Variants in STAC observed in about 807,000 individuals in gnomAD.
STAC encodes the protein SH3 and cysteine-rich domain-containing protein.
A neutral mutation model predicts 48.8 loss-of-function variants in STAC; 43 were observed. The observed-to-expected ratio is 0.88, with a 90% CI of 0.69 to 1.14. STAC has a LOEUF of 1.14. Ranked by LOEUF, STAC falls within the 50% of genes most tolerant of loss-of-function variation. The pLI, the probability that STAC is intolerant of heterozygous loss-of-function variation, is 0.00. For synonymous variants in STAC, 193 were observed against 179.5 expected, an observed-to-expected ratio of 1.07 and a Z score of -0.60; for missense variants, 497 against 504.0, an observed-to-expected ratio of 0.99 and a Z score of 0.13.
intron 8 of STAC, among the ~76,000 whole-genome samples, chr3:36,508,757 T>A (rs187898871): frequency 1.5e-4 from 23 of 152,316 alleles, no homozygotes; most frequent in Admixed American, 1.4e-3. Context: ...TTTTTTTCTT[T>A]CCATTTGCTT....
chr3:36,544,852 A>G (rs1216584787), intron 10 of STAC, among the ~76,000 whole-genome samples: 3 of 152,144 alleles, frequency 2.0e-5, no homozygotes, highest in Non-Finnish European at 4.4e-5. Flanking sequence ...CTACTCTTAC[A>G]AATTATCTTC....
chr3:36,388,145 G>C (rs1699664493), intron 1 of STAC, among the ~76,000 whole-genome samples: 1 of 152,070 alleles, frequency 6.6e-6, no homozygotes, highest in African/African-American at 2.4e-5. Flanking sequence ...TTTAAAATTA[G>C]ATTGTTTGGT....
At chr3:36,516,965 A>C (rs1361322506) in intron 8 of STAC, among the ~76,000 whole-genome samples, 2 of 152,168 alleles carry the variant, frequency 1.3e-5, no homozygotes, top group Non-Finnish European at 2.9e-5. Flanking sequence ...AACACAGTTA[A>C]AGACTCTCCC....
intron 8 of STAC, among the ~76,000 whole-genome samples, chr3:36,508,249 C>T (rs1047221216): frequency 6.6e-6 from 1 of 152,158 alleles, no homozygotes; most frequent in African/African-American, 2.4e-5. Flanking sequence ...TTTCTTAATC[C>T]TGTGCTCTAA....
chr3:36,409,569 T>G (rs1055178894), intron 1 of STAC: 1 of 152,198 alleles, frequency 6.6e-6, no homozygotes, highest in Non-Finnish European at 1.5e-5. Flanking sequence ...AGGAATCATG[T>G]CCATCAAAAG....
intron 6 of STAC, among the ~76,000 whole-genome samples, chr3:36,498,747 C>T (rs1173538317): frequency 1.3e-5 from 2 of 151,618 alleles, no homozygotes; most frequent in Non-Finnish European, 2.9e-5. Flanking sequence ...AGCACCAGAC[C>T]CTGTCTCAAA....
intron 10 of STAC, among the ~76,000 whole-genome samples, chr3:36,541,976 C>T (rs181125804): frequency 6.6e-6 from 1 of 151,732 alleles, no homozygotes; most frequent in East Asian, 1.9e-4. Flanking sequence ...TTCAGGAAGT[C>T]TCTTTATGTT....
intron 1 of STAC, among the ~76,000 whole-genome samples, chr3:36,405,753 C>T (rs750738382): frequency 1.3e-5 from 2 of 152,212 alleles, no homozygotes; most frequent in Non-Finnish European, 2.9e-5. Flanking sequence ...AAGAGTTTTG[C>T]TCTGTCATCC....
chr3:36,491,708 T>C (rs954952603), intron 5 of STAC, among the ~76,000 whole-genome samples: 1 of 151,914 alleles, frequency 6.6e-6, no homozygotes, highest in African/African-American at 2.4e-5. Context: ...TGTAAATAAA[T>C]AATTTTTTAA....
At chr3:36,493,127 A>C (rs962628904) in intron 5 of STAC, 24 bp from the exon 6 acceptor site, 5 of 1,601,342 alleles carry the variant, frequency 3.1e-6, no homozygotes, top group East Asian at 2.3e-5. Flanking sequence ...TGTTCATCCC[A>C]TGCTCTTTCT....
intron 1 of STAC, among the ~76,000 whole-genome samples, chr3:36,437,219 G>A (rs1463591054): frequency 1.1e-4 from 16 of 150,236 alleles, no homozygotes; most frequent in East Asian, 5.9e-4. Context: ...TCAGTGTGGC[G>A]ATTCCTCAGG....
chr3:36,439,420 T>G (rs1286546099), intron 1 of STAC, among the ~76,000 whole-genome samples: 1 of 152,076 alleles, frequency 6.6e-6, no homozygotes, highest in African/African-American at 2.4e-5. Context: ...CATGACAGGG[T>G]GGGTGTTATT....
At chr3:36,436,479 C>T (rs758148976) in intron 1 of STAC, among the ~76,000 whole-genome samples, 8 of 152,184 alleles carry the variant, frequency 5.3e-5, no homozygotes, top group Non-Finnish European at 1.0e-4. Context: ...TCTCCCCCAT[C>T]GTTCTTAACC....
intron 1 of STAC, among the ~76,000 whole-genome samples, chr3:36,439,634 C>T (rs1165272512): frequency 2.6e-5 from 4 of 152,166 alleles, no homozygotes; most frequent in African/African-American, 7.2e-5. Flanking sequence ...AAATAAAACT[C>T]CAGTCTTACC....
Position 36,453,464 on chromosome 3 carries a change from G to A in STAC, c.388+9824G>A, listed in dbSNP as rs373762718. Among the ~76,000 whole-genome samples, 233 of 152,288 alleles carry A rather than the reference G, an allele frequency of 1.5e-3. 1 individual carries two copies. In the East Asian group the frequency reaches 0.023, roughly 15 times the overall value. ...GAGGCCGGCCGGCCCCACCGGCCCC[G>A]GGCAGTGAGGGTCTTAGCACCTGGG... On this transcript the variant is annotated intron_variant, in intron 2 of 10. Transcript: ENST00000273183.
At chr3:36,447,642 A>G (rs1696545297) in intron 2 of STAC, among the ~76,000 whole-genome samples, 1 of 134,740 alleles carries the variant, frequency 7.4e-6, no homozygotes, top group Admixed American at 7.3e-5. Context: ...ATATATATGT[A>G]TACACACCAC....
chr3:36,515,823 G>A (rs1379964825), intron 8 of STAC, among the ~76,000 whole-genome samples: 7 of 151,808 alleles, frequency 4.6e-5, no homozygotes, highest in Admixed American at 2.0e-4. Context: ...TAGAGTTTGG[G>A]GCCCACAAGG....
intron 1 of STAC, among the ~76,000 whole-genome samples, chr3:36,401,432 T>A (rs1442355094): frequency 6.6e-6 from 1 of 152,188 alleles, no homozygotes; most frequent in Non-Finnish European, 1.5e-5. Context: ...AAAGCTACCT[T>A]AAGGACCTCG....
intron 6 of STAC, among the ~76,000 whole-genome samples, chr3:36,498,148 T>C (rs950965639): frequency 8.5e-5 from 13 of 152,156 alleles, no homozygotes; most frequent in Admixed American, 2.6e-4. Flanking sequence ...TATAACTATA[T>C]AATTGTATAC....
Sources: allele counts gnomAD v4.1 joint callset (sites outside exome capture counted in the v4.1 genomes callset), GRCh38; gene constraint gnomAD v4.1.1; transcripts MANE v1.5; gene names NCBI Gene and HGNC (gene_info 2026-07-23, HGNC 2026-07-21).